The following PSMA8 variants were observed in gnomAD, a reference collection of about 807,000 sequenced individuals.
PSMA8 encodes proteasome 20S subunit alpha 8, also known as proteasome subunit alpha-type 8.
Under a neutral mutation model 32.4 loss-of-function variants are expected in PSMA8, and 18 were observed. The ratio of observed to expected loss-of-function variants is 0.56; its 90% CI spans 0.38 to 0.82. The LOEUF (loss-of-function observed/expected upper bound fraction) is 0.82. PSMA8 is among the 40% of genes least tolerant of loss of function. The pLI, the probability that PSMA8 is intolerant of heterozygous loss-of-function variation, is 0.00. For missense variants in PSMA8, 298 were observed against 300.7 expected, an observed-to-expected ratio of 0.99 and a Z score of 0.07; for synonymous variants, 104 against 98.1, an observed-to-expected ratio of 1.06 and a Z score of -0.36.
At chr18:26,173,722 A>T (rs1194960618) in intron 4 of PSMA8, among the ~76,000 whole-genome samples, 2 of 151,912 alleles carry the variant, frequency 1.3e-5, no homozygotes, top group Admixed American at 1.3e-4. Context: ...ACGCCTGGCT[A>T]ATTTTGTATT....
intron 4 of PSMA8, 49 bp from the exon 5 acceptor site, chr18:26,178,781 A>G (rs2144344276): frequency 1.6e-5 from 24 of 1,547,266 alleles, no homozygotes; most frequent in Non-Finnish European, 2.1e-5. Context: ...GTAACCATAA[A>G]TTCATTCCTA....
intron 2 of PSMA8, among the ~76,000 whole-genome samples, chr18:26,145,158 G>T (rs1184274862): frequency 1.3e-5 from 2 of 152,156 alleles, no homozygotes; most frequent in Admixed American, 6.5e-5. Flanking sequence ...CACTCTTGTT[G>T]CCCAGGCTGG....
chr18:26,189,771 G>C (rs1258903754), intron 6 of PSMA8, among the ~76,000 whole-genome samples: 1 of 152,088 alleles, frequency 6.6e-6, no homozygotes, highest in African/African-American at 2.4e-5. Context: ...AAGTACATAT[G>C]GTCCAGCAAT....
chr18:26,150,189 T>G (rs1470997522), intron 2 of PSMA8, among the ~76,000 whole-genome samples: 4 of 152,184 alleles, frequency 2.6e-5, no homozygotes. Flanking sequence ...CTGAAACACT[T>G]CTGATCCCAA....
At chr18:26,152,829 C>A (rs565293189) in intron 3 of PSMA8, among the ~76,000 whole-genome samples, 1 of 152,256 alleles carries the variant, frequency 6.6e-6, no homozygotes, top group African/African-American at 2.4e-5. Flanking sequence ...AGGGCTCAAT[C>A]TCTTGCTCTC....
intron 4 of PSMA8, among the ~76,000 whole-genome samples, chr18:26,165,125 T>C (rs1298578318): frequency 5.3e-5 from 8 of 152,074 alleles, no homozygotes; most frequent in African/African-American, 1.9e-4. Flanking sequence ...GGCAGGCTGC[T>C]CTGGAACTCC....
chr18:26,136,179 CAA>C (rs1292822611), intron 1 of PSMA8, among the ~76,000 whole-genome samples: 3 of 152,208 alleles, frequency 2.0e-5, no homozygotes, highest in African/African-American at 7.2e-5. Flanking sequence ...TGAAAGGAGA[CAA>C]GAGGCTTGTT....
At chr18:26,184,747 A>T (rs2055339083) in intron 6 of PSMA8, among the ~76,000 whole-genome samples, 1 of 143,174 alleles carries the variant, frequency 7.0e-6, no homozygotes, top group African/African-American at 2.6e-5. Context: ...GCACTCCAGC[A>T]TAGGCGATAG....
chr18:26,138,703 G>C (rs2054931658), intron 1 of PSMA8, among the ~76,000 whole-genome samples: 1 of 152,186 alleles, frequency 6.6e-6, no homozygotes, highest in Admixed American at 6.5e-5. Context: ...AGTATTCTGT[G>C]GAAATAGTCT....
intron 4 of PSMA8, among the ~76,000 whole-genome samples, chr18:26,165,179 G>C (rs897831381): frequency 9.9e-5 from 15 of 152,168 alleles, no homozygotes; most frequent in Non-Finnish European, 1.9e-4. Flanking sequence ...AAAGTGCTGG[G>C]ATTACAAGGG....
chr18:26,192,262 A>G, intron 6 of PSMA8, 57 bp from the exon 7 acceptor site: 1 of 1,275,050 alleles, frequency 7.8e-7, no homozygotes, highest in Non-Finnish European at 1.0e-6. Context: ...TTCATATTGT[A>G]TTTACATATT....
At chr18:26,150,667 A>T (rs1427563757) in intron 2 of PSMA8, among the ~76,000 whole-genome samples, 1 of 152,218 alleles carries the variant, frequency 6.6e-6, no homozygotes, top group East Asian at 1.9e-4. Context: ...TAATCTTGCT[A>T]CTTATTGAAA....
chr18:26,154,428 T>G (rs539015531), intron 3 of PSMA8, among the ~76,000 whole-genome samples: 1 of 152,142 alleles, frequency 6.6e-6, no homozygotes, highest in Non-Finnish European at 1.5e-5. Context: ...GAACAGAACA[T>G]TGTATACACA....
At chr18:26,154,524 G>A (rs2055071260) in intron 3 of PSMA8, among the ~76,000 whole-genome samples, 1 of 149,998 alleles carries the variant, frequency 6.7e-6, no homozygotes, top group African/African-American at 2.5e-5. Context: ...TCATAAGAAT[G>A]GAATTACCAC....
intron 4 of PSMA8, among the ~76,000 whole-genome samples, chr18:26,176,887 C>G (rs752689340): frequency 6.6e-6 from 1 of 152,120 alleles, no homozygotes; most frequent in African/African-American, 2.4e-5. Context: ...GAAACGAAAT[C>G]ACGCCATTGC....
At chr18:26,140,269 C>T (rs991026167) in intron 1 of PSMA8, among the ~76,000 whole-genome samples, 3 of 152,146 alleles carry the variant, frequency 2.0e-5, no homozygotes, top group Middle Eastern at 3.4e-3. Flanking sequence ...CAGCCTTGTA[C>T]CAGGGCTCAC....
intron 4 of PSMA8, among the ~76,000 whole-genome samples, chr18:26,164,156 T>G (rs1436978409): frequency 6.6e-6 from 1 of 152,056 alleles, no homozygotes; most frequent in East Asian, 1.9e-4. Context: ...CTGGAGTGGA[T>G]TTAGAAGAAA....
At chr18:26,146,616 A>T (rs981916622) in intron 2 of PSMA8, among the ~76,000 whole-genome samples, 1 of 152,098 alleles carries the variant, frequency 6.6e-6, no homozygotes, top group Non-Finnish European at 1.5e-5. Context: ...TACAAAAATT[A>T]GCTGGGGATG....
At position 26,188,030 on chromosome 18, in the gene PSMA8, T is replaced by G. The variant is rs553248160; in HGVS notation, c.661-4289T>G. ...ACCATTTTCAAGGATAGACCATATT[T>G]AGGTCACAAAATAAGCCTTAAAATA... On this transcript the variant is annotated intron_variant, in intron 6 of 6. Coordinates refer to ENST00000415576, the MANE Select transcript of PSMA8 (RefSeq NM_001025096.2). Among the ~76,000 whole-genome samples, 6 of 152,258 alleles carry G rather than the reference T, an allele frequency of 3.9e-5. No homozygotes were observed. In the East Asian group the frequency reaches 1.2e-3, roughly 29 times the overall value.
Sources: allele counts gnomAD v4.1 joint callset (sites outside exome capture counted in the v4.1 genomes callset), GRCh38; gene constraint gnomAD v4.1.1; transcripts MANE v1.5; gene names NCBI Gene and HGNC (gene_info 2026-07-23, HGNC 2026-07-21).